Variants in INTS9 observed in about 807,000 individuals in gnomAD.
The protein encoded by INTS9 is protein related to CPSF subunits of 74 kDa.
INTS9 carries 55 observed loss-of-function variants against 79.7 expected under a neutral mutation model. The ratio of observed to expected loss-of-function variants is 0.69; its 90% confidence interval spans 0.56 to 0.86. INTS9 has a LOEUF of 0.86. INTS9 is among the 40% of genes least tolerant of loss of function. The pLI is 0.00. For missense variants in INTS9, 721 were observed against 831.5 expected (o/e 0.87, Z 1.64); for synonymous variants, 319 against 325.2 (o/e 0.98, Z 0.20).
At position 28,771,147 on chromosome 8, in the gene INTS9, G is replaced by GTATT. The variant is rs201893109; in HGVS notation, c.1564-71_1564-68dup. The GTATT allele has an allele frequency of 9.8e-4, 1,075 of 1,100,916 alleles. 5 individuals carry two copies. The African/African-American group carries it at 0.014, about 15-fold the overall frequency. The allele number at this position is 1,100,916 out of a possible 1,614,324, so 68.2% of individuals were successfully genotyped here. On this transcript the variant is annotated intron_variant, in intron 14 of 16. Transcript: ENST00000521022. ...ATGACCATTACTCTTCCTTTAATCT[G>GTATT]TATTTACATCACTGCAGTCTAAAAA...
intron 1 of INTS9, among the ~76,000 whole-genome samples, chr8:28,887,057 G>A (rs563961112): frequency 2.0e-5 from 3 of 152,176 alleles, no homozygotes; most frequent in Middle Eastern, 3.4e-3. Flanking sequence ...ACAGACACAC[G>A]CCAATAATTA....
rs781005594 is a variant in INTS9 at position 28,775,852 on chromosome 8, G to A, written c.1470C>T (p.Ile490=). 9.3e-6 allele frequency: 15 copies of A among 1,613,120 alleles called. No individual in the cohort carries two copies. Among genetic ancestry groups the A allele is most frequent in the South Asian group, 6.6e-5 (6 of 90,942 alleles). The part of the protein sequence containing the change: ...PAQSHRMDLM[I]DCQPPAMSYR... ...AGGACATGGCGGGGGGCTGGCAGTC[G>A]ATCATGAGGTCCATCCTGTGGGACT... The change falls in exon 14 of 17, where the codon ATC becomes ATT. Residue 490 remains isoleucine (I), a synonymous_variant. Coordinates refer to ENST00000521022, the MANE Select transcript of INTS9 (RefSeq NM_018250.4).
chr8:28,804,979 G>C (rs538727214), intron 8 of INTS9, among the ~76,000 whole-genome samples: 5 of 152,138 alleles, frequency 3.3e-5, no homozygotes, highest in African/African-American at 1.2e-4. Context: ...CAAGAAAAAA[G>C]ACATGCAATA....
Position 28,814,284 on chromosome 8 carries a change from TCACACACACACACACACACACA to T in INTS9, c.489-694_489-673del, listed in dbSNP as rs60850682. 4.5e-3 allele frequency among the ~76,000 whole-genome samples: 602 copies of T among 134,328 alleles called. 9 individuals carry two copies. Among genetic ancestry groups the T allele is most frequent in the African/African-American group, 0.015 (539 of 34,884 alleles). 88.1% of individuals were successfully genotyped at this position (134,328 alleles called of 152,430 possible). A position where few individuals can be genotyped will look rare whatever the true frequency, so the allele number is the denominator to read the frequency against. On this transcript the variant is annotated intron_variant, in intron 6 of 16. Coordinates refer to ENST00000521022, the MANE Select transcript of INTS9 (RefSeq NM_018250.4). ...CTGAAACAACACTGAACAGGGCTTCTCACACACACACACACACACACACACACACACACACACACACACACAC... is the reference window on the plus strand; with the variant it reads ...CTGAAACAACACTGAACAGGGCTTCTCACACACACACACACACACACACAC...
chr8:28,795,312 G>T (rs1319974488), intron 9 of INTS9, among the ~76,000 whole-genome samples: 2 of 152,116 alleles, frequency 1.3e-5, no homozygotes, highest in African/African-American at 2.4e-5. Flanking sequence ...GAGGTCGAGG[G>T]TGCAGGCCCC....
intron 1 of INTS9, among the ~76,000 whole-genome samples, chr8:28,882,444 C>T (rs1424112547): frequency 7.5e-6 from 1 of 133,564 alleles, no homozygotes; most frequent in African/African-American, 2.8e-5. Context: ...CGAGAAACAC[C>T]CAAGAATGAT....
At chr8:28,769,524 C>G (rs1411176164) in intron 16 of INTS9, 2 of 169,328 alleles carry the variant, frequency 1.2e-5, no homozygotes, top group Non-Finnish European at 2.5e-5. Context: ...CGACTGGAGA[C>G]TTGGCTCCCC....
Position 28,775,832 on chromosome 8 carries a change from A to G in INTS9, c.1490T>C (p.Met497Thr), listed in dbSNP as rs1383347408. 1.2e-6 allele frequency: 2 copies of G among 1,613,944 alleles called. No individual in the cohort carries two copies. Among genetic ancestry groups the G allele is most frequent in the Non-Finnish European group, 1.7e-6 (2 of 1,179,944 alleles). The change falls in exon 14 of 17, where the codon ATG becomes ACG. Residue 497 changes from methionine to threonine, a missense_variant. Met to Thr is a moderately conservative substitution (Grantham distance 81). This residue lies in a region of INTS9 where 281 missense variants were observed against 300.8 expected (regional missense o/e 0.93). Transcript: ENST00000521022. ...DLMIDCQPPA[M>T]SYRRAEVLAL... ...GAGAACCTCAGCCCGCCGATAGGAC[A>G]TGGCGGGGGGCTGGCAGTCGATCAT... is the stretch of plus-strand genomic sequence containing the variant.
chr8:28,887,369 G>A lies in INTS9; in HGVS notation c.9+2505C>T, dbSNP rs139284465. 1.6e-4 allele frequency among the ~76,000 whole-genome samples: 25 copies of A among 152,270 alleles called. No individual in the cohort carries two copies. In the East Asian group the frequency reaches 4.6e-3, roughly 28 times the overall value. On this transcript the variant is annotated intron_variant, in intron 1 of 16. Coordinates refer to ENST00000521022, the MANE Select transcript of INTS9 (RefSeq NM_018250.4). Reference sequence around the variant, plus strand: ...TGAATGCAGAGAGACCAGATAAGGGGTCTTGTTGAATTCCGATTACAAAGA... The same window carrying A: ...TGAATGCAGAGAGACCAGATAAGGGATCTTGTTGAATTCCGATTACAAAGA...
At chr8:28,837,822 T>C in intron 4 of INTS9, 46 bp from the exon 5 acceptor site, 8 of 1,556,954 alleles carry the variant, frequency 5.1e-6, no homozygotes, top group Non-Finnish European at 7.0e-6. Context: ...CAGGGATCGA[T>C]CAATATGATG....
chr8:28,873,695 T>C (rs188960745), intron 1 of INTS9, among the ~76,000 whole-genome samples: 2 of 152,322 alleles, frequency 1.3e-5, no homozygotes, highest in Admixed American at 6.5e-5. Context: ...CTTATGCTAG[T>C]TGAACTGAAT....
intron 4 of INTS9, among the ~76,000 whole-genome samples, chr8:28,838,803 C>T (rs1431048178): frequency 6.6e-6 from 1 of 152,092 alleles, no homozygotes; most frequent in African/African-American, 2.4e-5. Context: ...TTACACCAAG[C>T]CACCAAGCCC....
At chr8:28,771,397 G>A (rs1370105146) in intron 14 of INTS9, among the ~76,000 whole-genome samples, 1 of 152,064 alleles carries the variant, frequency 6.6e-6, no homozygotes, top group Non-Finnish European at 1.5e-5. Flanking sequence ...TGGGAGCCAC[G>A]GCTTTACCTG....
chr8:28,859,393 C>T, intron 2 of INTS9, 43 bp downstream of exon 2: 1 of 1,601,678 alleles, frequency 6.2e-7, no homozygotes, highest in Middle Eastern at 1.7e-4. Context: ...CATTTTTCAG[C>T]AAACTTAAAG....
chr8:28,881,317 C>T (rs1429849758), intron 1 of INTS9, among the ~76,000 whole-genome samples: 140 of 127,730 alleles, frequency 1.1e-3, no homozygotes, highest in Middle Eastern at 5.6e-3. Context: ...ATCAGCCCCC[C>T]GCCTGGCCAG....
chr8:28,845,007 G>A (rs566739223), intron 4 of INTS9, among the ~76,000 whole-genome samples: 1 of 152,100 alleles, frequency 6.6e-6, no homozygotes, highest in African/African-American at 2.4e-5. Context: ...AACTCCACAT[G>A]TAAGTGGACT....
chr8:28,779,458 C>T (rs899801009), intron 12 of INTS9, among the ~76,000 whole-genome samples: 1 of 152,140 alleles, frequency 6.6e-6, no homozygotes, highest in Non-Finnish European at 1.5e-5. Flanking sequence ...ATGATGGATC[C>T]GGCCAAAGAC....
intron 1 of INTS9, among the ~76,000 whole-genome samples, chr8:28,881,892 C>T (rs1312265646): frequency 1.2e-3 from 174 of 146,656 alleles, no homozygotes; most frequent in East Asian, 4.6e-3. Context: ...CGCTTCTGCC[C>T]GGCCGCCCCC....
At chr8:28,857,239 T>C (rs940207340) in intron 2 of INTS9, among the ~76,000 whole-genome samples, 4 of 152,152 alleles carry the variant, frequency 2.6e-5, no homozygotes, top group African/African-American at 9.7e-5. Context: ...AAGATGTCAA[T>C]ACATGATGGC....
Sources: allele counts gnomAD v4.1 joint callset (sites outside exome capture counted in the v4.1 genomes callset), GRCh38; gene constraint gnomAD v4.1.1; regional missense constraint gnomAD v4.1.1; transcripts MANE v1.5; gene names NCBI Gene and HGNC (gene_info 2026-07-23, HGNC 2026-07-21).